The following PSME3IP1 variants were observed in gnomAD, a reference collection of about 807,000 sequenced individuals.
The protein encoded by PSME3IP1 is proteasome activator subunit 3 interacting protein 1.
PSME3IP1 carries 13 observed loss-of-function variants against 34.1 expected under a neutral mutation model. The ratio of observed to expected loss-of-function variants is 0.38; its 90% CI spans 0.25 to 0.61. PSME3IP1 has a LOEUF of 0.61. Ranked by LOEUF, PSME3IP1 falls within the 20% of genes least tolerant of loss-of-function variation. The pLI is 0.60. For missense variants in PSME3IP1, 237 were observed against 301.4 expected (o/e 0.79, Z 1.58); for synonymous variants, 93 against 114.3 (o/e 0.81, Z 1.19).
upstream of PSME3IP1, chr16:57,186,114 G>A (rs1056640700): frequency 1.0e-6 from 1 of 985,364 alleles, no homozygotes; most frequent in African/African-American, 1.7e-5. Flanking sequence ...ATGGAAATCC[G>A]GTACCCTGAA....
chr16:57,183,697 G>T (rs527337779), intron 1 of PSME3IP1, among the ~76,000 whole-genome samples: 1 of 152,246 alleles, frequency 6.6e-6, no homozygotes, highest in South Asian at 2.1e-4. Context: ...CAATCTAGAA[G>T]GTGAAAACCA....
chr16:57,158,955 T>C (rs1006999072), intron 6 of PSME3IP1, among the ~76,000 whole-genome samples: 10 of 152,320 alleles, frequency 6.6e-5, no homozygotes, highest in Admixed American at 6.5e-5. Flanking sequence ...GAAAAAGGCA[T>C]AGTAAAAATA....
At chr16:57,166,652 G>C (rs187127542) in intron 5 of PSME3IP1, among the ~76,000 whole-genome samples, 46 of 152,220 alleles carry the variant, frequency 3.0e-4, no homozygotes, top group African/African-American at 1.1e-3. Context: ...CCTTTCACAA[G>C]ACTCACTACC....
In PSME3IP1 at chr16:57,161,898, G is replaced by A. The variant is rs144047564; in HGVS notation, c.547+2103C>T. 4.9e-3 allele frequency among the ~76,000 whole-genome samples: 745 copies of A among 152,156 alleles called. 7 individuals are homozygous for A. The highest frequency in any genetic ancestry group is 0.017 in the African/African-American group (694 of 41,518). ...TATTCGATAATATTTGGTAATTACT[G>A]TGATTATTATTATTATTATTTTTGA... On this transcript the variant is annotated intron_variant, in intron 6 of 6. Coordinates refer to ENST00000309137, the MANE Select transcript of PSME3IP1 (RefSeq NM_024946.4).
rs1330919205 is a variant in PSME3IP1 at position 57,154,220 on chromosome 16, A to C, written c.*70T>G. 1 of 1,333,392 alleles carries C rather than the reference A, an allele frequency of 7.5e-7. No homozygotes were observed. Among genetic ancestry groups the C allele is most frequent in the African/African-American group, 1.5e-5 (1 of 68,874 alleles). 82.6% of individuals were successfully genotyped at this position (1,333,392 alleles called of 1,614,324 possible). ...AAAGGAGTTTTTTTTTGAGGGACATAATGCCTATAGGCAGCATGAACGGTC... is the reference window on the plus strand; with the variant it reads ...AAAGGAGTTTTTTTTTGAGGGACATCATGCCTATAGGCAGCATGAACGGTC... On this transcript the variant is annotated 3_prime_UTR_variant, in exon 7 of 7. Coordinates refer to ENST00000309137, the MANE Select transcript of PSME3IP1 (RefSeq NM_024946.4). The surrounding 1 kb of genome is among the most constrained non-coding windows in gnomAD (Gnocchi z 4.0).
At position 57,170,609 on chromosome 16, in the gene PSME3IP1, T is replaced by C. The variant is rs548080453; in HGVS notation, c.348+1642A>G. On this transcript the variant is annotated intron_variant, in intron 4 of 6. Coordinates refer to ENST00000309137, the MANE Select transcript of PSME3IP1 (RefSeq NM_024946.4). Reference sequence around the variant, plus strand: ...AATCATTTATTAATTTATTCACATATTTACTGAGAATCTACTATATGCCAG... The same window carrying C: ...AATCATTTATTAATTTATTCACATACTTACTGAGAATCTACTATATGCCAG... Among the ~76,000 whole-genome samples the C allele has an allele frequency of 3.3e-5, 5 of 152,342 alleles. No homozygotes were observed. In the East Asian group the frequency reaches 5.8e-4, roughly 18 times the overall value.
intron 1 of PSME3IP1, among the ~76,000 whole-genome samples, chr16:57,181,046 AG>A (rs1244359417): frequency 6.6e-6 from 1 of 151,264 alleles, no homozygotes; most frequent in African/African-American, 2.5e-5. Flanking sequence ...TTGCCTGGCG[AG>A]GGGGAAAAAA....
At chr16:57,185,509 G>A in intron 1 of PSME3IP1, 2 of 985,468 alleles carry the variant, frequency 2.0e-6, no homozygotes, top group Non-Finnish European at 2.4e-6. Context: ...CTCTGGAACG[G>A]AGCCTGCTAC....
intron 1 of PSME3IP1, among the ~76,000 whole-genome samples, chr16:57,180,419 A>G (rs1280699813): frequency 6.6e-6 from 1 of 151,336 alleles, no homozygotes; most frequent in African/African-American, 2.4e-5. Flanking sequence ...GTGAAACCCC[A>G]TTTCTACTAA....
At chr16:57,183,583 T>C (rs1389597641) in intron 1 of PSME3IP1, among the ~76,000 whole-genome samples, 7 of 151,898 alleles carry the variant, frequency 4.6e-5, no homozygotes, top group Non-Finnish European at 7.4e-5. Context: ...TCTGCCCACC[T>C]CGACCTACCA....
Position 57,152,720 on chromosome 16 carries a change from C to T in PSME3IP1, c.*1570G>A, listed in dbSNP as rs1224888282. On this transcript the variant is annotated 3_prime_UTR_variant, in exon 7 of 7. Coordinates refer to ENST00000309137, the MANE Select transcript of PSME3IP1 (RefSeq NM_024946.4). ...GAAGCAGAGAAGCAGAAGGTGCCTACAAAGTTTTACCTAAATGTCTTGTTT... is the reference window on the plus strand; with the variant it reads ...GAAGCAGAGAAGCAGAAGGTGCCTATAAAGTTTTACCTAAATGTCTTGTTT... The T allele has an allele frequency of 6.5e-6, 1 of 152,698 alleles. No individual in the cohort carries two copies. The highest frequency in any genetic ancestry group is 1.5e-5 in the Non-Finnish European group (1 of 68,060). 9.5% of individuals were successfully genotyped at this position (152,698 alleles called of 1,614,324 possible).
intron 1 of PSME3IP1, chr16:57,178,986 CT>C: frequency 5.6e-6 from 1 of 177,936 alleles, no homozygotes; most frequent in Non-Finnish European, 1.1e-5. Context: ...TTCTTTTTCC[CT>C]TTTGTTTGCT....
At chr16:57,172,108 G>A in intron 4 of PSME3IP1, 143 bp downstream of exon 4, 1 of 851,394 alleles carries the variant, frequency 1.2e-6, no homozygotes, top group South Asian at 1.7e-5. Context: ...CAGCTTTTCA[G>A]AATTACAGGA....
At chr16:57,175,035 G>A (rs1297309463) in intron 1 of PSME3IP1, 1 of 143,296 alleles carries the variant, frequency 7.0e-6, no homozygotes, top group Admixed American at 7.0e-5. Flanking sequence ...TTTTTTTTGA[G>A]ATGAAGTCTC....
rs1236615449 is a variant in PSME3IP1 at position 57,172,226 on chromosome 16, GT to G, written c.348+24del. The G allele has an allele frequency of 1.9e-6, 3 of 1,611,066 alleles. No homozygotes were observed. The South Asian group carries it at 3.3e-5, about 18-fold the overall frequency. The stretch of plus-strand genomic sequence containing the variant: ...TGATGAGAAAATGGACACCTTACAG[GT>G]TTTCCTCCAAGTACAAAGGATATTC... On this transcript the variant is annotated intron_variant, in intron 4 of 6. Transcript: ENST00000309137.
chr16:57,183,449 C>G (rs1489794938), intron 1 of PSME3IP1, among the ~76,000 whole-genome samples: 1 of 152,116 alleles, frequency 6.6e-6, no homozygotes, highest in Non-Finnish European at 1.5e-5. Context: ...TCTCCTACCT[C>G]TGCCTCCCGA....
At chr16:57,161,544 C>G (rs2145544193) in intron 6 of PSME3IP1, among the ~76,000 whole-genome samples, 1 of 140,338 alleles carries the variant, frequency 7.1e-6, no homozygotes, top group Non-Finnish European at 1.5e-5. Context: ...CGGAGTCTCC[C>G]TCTGTCACCC....
At chr16:57,164,312 T>G (rs1233193433) in intron 5 of PSME3IP1, among the ~76,000 whole-genome samples, 1 of 152,226 alleles carries the variant, frequency 6.6e-6, no homozygotes, top group Non-Finnish European at 1.5e-5. Flanking sequence ...TCACTTCAAC[T>G]TCAGATTCTT....
intron 1 of PSME3IP1, among the ~76,000 whole-genome samples, chr16:57,183,745 A>T (rs2073926207): frequency 6.6e-6 from 1 of 152,248 alleles, no homozygotes; most frequent in Non-Finnish European, 1.5e-5. Flanking sequence ...TTTCATCCTG[A>T]GGACTTCTCT....
Sources: allele counts gnomAD v4.1 joint callset (sites outside exome capture counted in the v4.1 genomes callset), GRCh38; gene constraint gnomAD v4.1.1; non-coding constraint Gnocchi (gnomAD v3.1); transcripts MANE v1.5; gene names NCBI Gene and HGNC (gene_info 2026-07-23, HGNC 2026-07-21).